Variants in KRT80 observed in about 807,000 individuals in gnomAD.
KRT80 encodes keratin 80.
Under a neutral mutation model 51.5 loss-of-function variants are expected in KRT80, and 36 were observed. The observed-to-expected ratio is 0.70, with a 90% CI of 0.54 to 0.92. The LOEUF is 0.92. Ranked by LOEUF, KRT80 falls within the 40% of genes least tolerant of loss-of-function variation. The pLI is 0.00. For synonymous variants in KRT80, 235 were observed against 248.3 expected (o/e 0.95, Z 0.50); for missense variants, 566 against 591.7 (o/e 0.96, Z 0.45).
chr12:52,173,846 G>C (rs931646223), intron 4 of KRT80, 82 bp from the exon 5 acceptor site: 5 of 1,406,784 alleles, frequency 3.6e-6, no homozygotes, highest in Non-Finnish European at 4.9e-6. Flanking sequence ...CTTTGTCCCC[G>C]GGGTGAGCGG....
At position 52,170,137 on chromosome 12, in the gene KRT80, G is replaced by A. The variant is rs982464042; in HGVS notation, c.*1261C>T. The A allele has an allele frequency of 6.6e-6, 1 of 152,428 alleles. No individual in the cohort carries two copies. Among genetic ancestry groups the A allele is most frequent in the Non-Finnish European group, 1.5e-5 (1 of 68,208 alleles). The allele number at this position is 152,428 out of a possible 1,614,324, so 9.4% of individuals were successfully genotyped here. A position where few individuals can be genotyped will look rare whatever the true frequency, so the allele number is the denominator to read the frequency against. ...ACACCCCTGTCTTCTGGTGGGATGT[G>A]GAATTTTCCTCTCTGGTAGAACCCT... On this transcript the variant is annotated 3_prime_UTR_variant, in exon 9 of 9. Coordinates refer to ENST00000394815, the MANE Select transcript of KRT80 (RefSeq NM_182507.3).
At chr12:52,183,514 G>A (rs761251461) in intron 2 of KRT80, among the ~76,000 whole-genome samples, 3 of 152,204 alleles carry the variant, frequency 2.0e-5, no homozygotes, top group African/African-American at 7.2e-5. Flanking sequence ...CCTGAAGACC[G>A]AGAAGCCCTC....
chr12:52,187,408 G>A (rs1941422979), intron 1 of KRT80, among the ~76,000 whole-genome samples: 1 of 152,216 alleles, frequency 6.6e-6, no homozygotes, highest in Non-Finnish European at 1.5e-5. Context: ...GCAACTCGGT[G>A]GCCCAGCTTC....
intron 6 of KRT80, 94 bp downstream of exon 6, chr12:52,172,944 G>A: frequency 1.4e-6 from 2 of 1,433,896 alleles, no homozygotes; most frequent in African/African-American, 1.4e-5. Context: ...CCCACACAGG[G>A]TCACTCAGTC....
rs1007169212 is a variant in KRT80 at position 52,180,515 on chromosome 12, G to A, written c.664C>T (p.Gln222Ter). 6.8e-7 allele frequency: 1 copy of A among 1,461,186 alleles called. No individual in the cohort carries two copies. The highest frequency in any genetic ancestry group is 1.4e-5 in the African/African-American group (1 of 70,462). The allele number at this position is 1,461,186 out of a possible 1,614,324, so 90.5% of individuals were successfully genotyped here. The stretch of plus-strand genomic sequence containing the variant: ...GACACTGGCCCCATCTCACTCACCT[G>A]CTCATAGATGGTTTTCATCAACTCC... Reference protein sequence around the residue: ...FVELMKTIYEQELKDLAAQVK... With the variant: ...FVELMKTIYE Residue 222 changes from glutamine to a stop codon, truncating the protein, a stop_gained and splice_region_variant, in exon 4 of 9, where the codon CAG becomes TAG. Coordinates refer to ENST00000394815, the MANE Select transcript of KRT80 (RefSeq NM_182507.3). LOFTEE classifies it high-confidence loss of function.
In KRT80 at chr12:52,173,097, C is replaced by T. The variant is rs756362878; in HGVS notation, c.898G>A (p.Ala300Thr). ...TTCTGGATGCGCACATTGAGATCCG[C>T]GATCTCGCTGCGGCTGCTCTGGAGG... ...SSLQSSRSEI[A>T]DLNVRIQKLR... Residue 300 changes from alanine (A) to threonine (T), a missense_variant, in exon 6 of 9, where the codon GCG becomes ACG. By Grantham distance (58) the Ala-to-Thr change is moderately conservative. Transcript: ENST00000394815. The T allele has an allele frequency of 1.5e-5, 25 of 1,613,404 alleles. No individual in the cohort carries two copies. Among genetic ancestry groups the T allele is most frequent in the East Asian group, 6.7e-5 (3 of 44,852 alleles).
At chr12:52,176,066 A>AT (rs542121118) in intron 4 of KRT80, among the ~76,000 whole-genome samples, 3 of 152,254 alleles carry the variant, frequency 2.0e-5, no homozygotes, top group Non-Finnish European at 4.4e-5. Flanking sequence ...AGGACGCACT[A>AT]TAGCAGGACT....
Position 52,185,509 on chromosome 12 carries a change from C to A in KRT80, c.379G>T (p.Asp127Tyr), listed in dbSNP as rs776757382. 6.2e-7 allele frequency: 1 copy of A among 1,613,716 alleles called. No individual in the cohort carries two copies. The highest frequency in any genetic ancestry group is 1.1e-5 in the South Asian group (1 of 91,078). The change falls in exon 2 of 9, where the codon GAC becomes TAC. Residue 127 changes from aspartate to tyrosine, a missense_variant. Transcript: ENST00000394815. Reference sequence around the variant, plus strand: ...TATTCCTCATAGAGATGCCCGAGGTCGAAGATGGCTGAGTCCTGGCCCTGC... The same window carrying A: ...TATTCCTCATAGAGATGCCCGAGGTAGAAGATGGCTGAGTCCTGGCCCTGC... ...FLQGQDSAIF[D>Y]LGHLYEEYQG...
chr12:52,181,933 G>A (rs1332205782), intron 2 of KRT80, among the ~76,000 whole-genome samples: 2 of 152,170 alleles, frequency 1.3e-5, no homozygotes, highest in East Asian at 3.8e-4. Context: ...AATTACAGCC[G>A]CCTGCCTACC....
At chr12:52,185,662 G>A (rs1941394743) in intron 1 of KRT80, 75 bp from the exon 2 acceptor site, 3 of 1,552,854 alleles carry the variant, frequency 1.9e-6, no homozygotes, top group Non-Finnish European at 2.6e-6. Flanking sequence ...TGACCAGCAA[G>A]AGCCCACGGA....
At chr12:52,183,252 T>A (rs1036631392) in intron 2 of KRT80, among the ~76,000 whole-genome samples, 1 of 152,212 alleles carries the variant, frequency 6.6e-6, no homozygotes, top group African/African-American at 2.4e-5. Flanking sequence ...TTAGGTCCCC[T>A]ATTCCACTCC....
rs754575669 is a variant in KRT80, at chr12:52,173,655, T to C, written c.776A>G (p.Tyr259Cys). The change falls in exon 5 of 9, where the codon TAT becomes TGT. Residue 259 changes from tyrosine (Y) to cysteine (C), a missense_variant. Transcript: ENST00000394815. ...SGIVEEVKAQYDAVAARSLEE... is the reference protein window; with the variant it reads ...SGIVEEVKAQCDAVAARSLEE... The stretch of plus-strand genomic sequence containing the variant: ...CAGGCTGCGAGCCGCGACGGCGTCA[T>C]ACTGGGCCTTCACCTCCTCCACGAT... 3.1e-6 allele frequency: 5 copies of C among 1,613,088 alleles called. No individual in the cohort carries two copies. In the African/African-American group the frequency reaches 5.3e-5, roughly 17 times the overall value.
intron 4 of KRT80, among the ~76,000 whole-genome samples, chr12:52,175,483 C>G (rs1941202205): frequency 6.6e-6 from 1 of 152,006 alleles, no homozygotes; most frequent in South Asian, 2.1e-4. Flanking sequence ...AGAGTTTGTG[C>G]TGAGGCCTCT....
At chr12:52,174,232 G>A (rs930158641) in intron 4 of KRT80, among the ~76,000 whole-genome samples, 3 of 152,218 alleles carry the variant, frequency 2.0e-5, no homozygotes, top group Non-Finnish European at 4.4e-5. Flanking sequence ...GCCTGGCAGA[G>A]CTGTGTTCAT....
In KRT80 at chr12:52,191,760, C is replaced by T. The variant is rs371751969; in HGVS notation, c.143G>A (p.Gly48Asp). ...GPGFSSRSLT[G>D]CWSAGTISKV... ...GGAGATAGTGCCAGCCGACCAGCAG[C>T]CTGTGAGGCTGCGGGAGCTGAAGCC... The change falls in exon 1 of 9, where the codon GGC becomes GAC. Residue 48 changes from glycine to aspartate, a missense_variant. Coordinates refer to ENST00000394815, the MANE Select transcript of KRT80 (RefSeq NM_182507.3). 28 of 1,613,240 alleles carry T rather than the reference C, an allele frequency of 1.7e-5. No individual in the cohort carries two copies. The African/African-American group carries it at 2.5e-4, about 15-fold the overall frequency.
At chr12:52,176,028 T>C (rs1791997811) in intron 4 of KRT80, among the ~76,000 whole-genome samples, 1 of 152,204 alleles carries the variant, frequency 6.6e-6, no homozygotes, top group Non-Finnish European at 1.5e-5. Flanking sequence ...GCATTCGTTA[T>C]GGCCCCAGGA....
chr12:52,187,136 A>C (rs1941419249), intron 1 of KRT80, among the ~76,000 whole-genome samples: 1 of 152,196 alleles, frequency 6.6e-6, no homozygotes, highest in African/African-American at 2.4e-5. Context: ...ATGAGGTTGG[A>C]GGCCTGGTTG....
chr12:52,178,607 C>A (rs183649385), intron 4 of KRT80, among the ~76,000 whole-genome samples: 1 of 152,222 alleles, frequency 6.6e-6, no homozygotes, highest in Non-Finnish European at 1.5e-5. Context: ...TGTCACCCTG[C>A]GAAGCGATCT....
At chr12:52,177,037 T>G (rs1053814804) in intron 4 of KRT80, among the ~76,000 whole-genome samples, 4 of 152,202 alleles carry the variant, frequency 2.6e-5, no homozygotes, top group African/African-American at 9.6e-5. Flanking sequence ...AGAGATAAAA[T>G]AGCCTGCTCC....
Sources: gnomAD v4.1 joint callset for allele counts (sites outside exome capture counted in the v4.1 genomes callset) on GRCh38, gnomAD v4.1.1 for gene constraint, MANE v1.5 for transcripts, NCBI Gene and HGNC (gene_info 2026-07-23, HGNC 2026-07-21) for gene names.